Variants in MAP4 observed in about 807,000 individuals in gnomAD.
MAP4 encodes the protein microtubule-associated protein 4.
Under a neutral mutation model 170.2 loss-of-function variants are expected in MAP4, and 76 were observed. The ratio of observed to expected loss-of-function variants is 0.45; its 90% CI spans 0.37 to 0.54. The LOEUF is 0.54. Ranked by LOEUF, MAP4 falls within the 20% of genes least tolerant of loss-of-function variation. The pLI is 0.00. For synonymous variants in MAP4, 909 were observed against 994.5 expected, an observed-to-expected ratio of 0.91 and a Z score of 1.62; for missense variants, 2,506 against 2,748.0, an observed-to-expected ratio of 0.91 and a Z score of 1.97.
At chr3:48,075,665 C>CA (rs1454040547) in intron 1 of MAP4, among the ~76,000 whole-genome samples, 6 of 151,266 alleles carry the variant, frequency 4.0e-5, no homozygotes, top group Middle Eastern at 3.2e-3. Flanking sequence ...ATCCACACAC[C>CA]AAAAAAAACA....
At chr3:48,016,933 C>G (rs2100108110), upstream of MAP4, among the ~76,000 whole-genome samples, 1 of 152,140 alleles carries the variant, frequency 6.6e-6, no homozygotes, top group Admixed American at 6.5e-5. Flanking sequence ...TGCACACCAC[C>G]ATGCCTGGCT....
At chr3:47,862,696 C>T (rs968385799) in intron 17 of MAP4, among the ~76,000 whole-genome samples, 1 of 152,136 alleles carries the variant, frequency 6.6e-6, no homozygotes, top group Non-Finnish European at 1.5e-5. Context: ...CCAGGATGGT[C>T]TCGATCTCCT....
At chr3:47,972,940 A>T in intron 3 of MAP4, 1 of 823,258 alleles carries the variant, frequency 1.2e-6, no homozygotes, top group Non-Finnish European at 1.5e-6. Flanking sequence ...GCTTGACAAA[A>T]ACTTAAAAGT....
chr3:48,003,987 T>G (rs1356396134), intron 1 of MAP4, among the ~76,000 whole-genome samples: 1 of 152,238 alleles, frequency 6.6e-6, no homozygotes, highest in East Asian at 1.9e-4. Context: ...GGACTTGGAC[T>G]GGCTTTCCTC....
chr3:48,010,421 G>A (rs1462120775), intron 1 of MAP4, among the ~76,000 whole-genome samples: 2 of 152,104 alleles, frequency 1.3e-5, no homozygotes, highest in Non-Finnish European at 2.9e-5. Flanking sequence ...TGTGACATAA[G>A]ATTTATTGAT....
chr3:47,858,037 T>G (rs2150234718), intron 17 of MAP4, among the ~76,000 whole-genome samples: 1 of 148,668 alleles, frequency 6.7e-6, no homozygotes, highest in South Asian at 2.2e-4. Flanking sequence ...TTTTTTTTTT[T>G]TTTAAGACAG....
chr3:48,067,949 A>AC, intron 1 of MAP4, among the ~76,000 whole-genome samples: 1 of 152,150 alleles, frequency 6.6e-6, no homozygotes, highest in African/African-American at 2.4e-5. Flanking sequence ...CCAGAGAAGC[A>AC]TTTTTTTAAA....
chr3:48,064,619 T>C (rs2100137492), intron 1 of MAP4, among the ~76,000 whole-genome samples: 1 of 152,128 alleles, frequency 6.6e-6, no homozygotes, highest in African/African-American at 2.4e-5. Flanking sequence ...GTGACCCCGT[T>C]GGGTGGTTAC....
At chr3:47,956,562 G>GAAT (rs2100067947) in intron 3 of MAP4, among the ~76,000 whole-genome samples, 1 of 152,148 alleles carries the variant, frequency 6.6e-6, no homozygotes, top group Non-Finnish European at 1.5e-5. Flanking sequence ...CAATTATTAA[G>GAAT]GATTTTGTTG....
At chr3:47,989,883 C>T (rs190681176) in intron 2 of MAP4, among the ~76,000 whole-genome samples, 2 of 152,224 alleles carry the variant, frequency 1.3e-5, no homozygotes, top group East Asian at 1.9e-4. Flanking sequence ...GAAATACACA[C>T]AGCATCGAAA....
chr3:47,902,458 G>C (rs946786855), intron 10 of MAP4, among the ~76,000 whole-genome samples: 1 of 151,886 alleles, frequency 6.6e-6, no homozygotes, highest in Non-Finnish European at 1.5e-5. Context: ...GGTGGATCAC[G>C]AGGTCAGGAG....
chr3:47,881,657 G>T (rs2096788359), intron 10 of MAP4, among the ~76,000 whole-genome samples: 1 of 150,658 alleles, frequency 6.6e-6, no homozygotes, highest in African/African-American at 2.4e-5. Context: ...TTTAAGACAG[G>T]TGTGATCATG....
chr3:48,072,018 C>T (rs550826405), intron 1 of MAP4, among the ~76,000 whole-genome samples: 1 of 151,982 alleles, frequency 6.6e-6, no homozygotes, highest in Non-Finnish European at 1.5e-5. Flanking sequence ...GTCAGGAGTT[C>T]GAGACCAGCC....
chr3:47,870,079 G>A (rs1278667205), intron 15 of MAP4, among the ~76,000 whole-genome samples: 3 of 152,174 alleles, frequency 2.0e-5, no homozygotes, highest in African/African-American at 7.2e-5. Context: ...TGGTGGTGGT[G>A]TAGAGCTAGT....
intron 17 of MAP4, among the ~76,000 whole-genome samples, chr3:47,865,868 CAG>C (rs1191126380): frequency 6.6e-6 from 1 of 152,198 alleles, no homozygotes; most frequent in Non-Finnish European, 1.5e-5. Context: ...GGAAAGCACA[CAG>C]GGTGTTCTTC....
intron 10 of MAP4, among the ~76,000 whole-genome samples, chr3:47,900,416 A>C (rs1246365212): frequency 6.6e-6 from 1 of 152,174 alleles, no homozygotes; most frequent in African/African-American, 2.4e-5. Context: ...ATATATGTGA[A>C]CCAAAGACAT....
At chr3:47,983,681 C>T (rs2154301464) in intron 2 of MAP4, among the ~76,000 whole-genome samples, 1 of 152,212 alleles carries the variant, frequency 6.6e-6, no homozygotes, top group East Asian at 1.9e-4. Context: ...AGCCACCACG[C>T]CCAGACAATT....
At chr3:47,889,913 C>CA (rs1401190409) in intron 10 of MAP4, among the ~76,000 whole-genome samples, 3 of 148,046 alleles carry the variant, frequency 2.0e-5, no homozygotes, top group East Asian at 4.0e-4. Flanking sequence ...CCATAAAAAA[C>CA]AAAAAATGTT....
rs370977291 is a variant in MAP4, at chr3:47,915,986, C to G, written c.1841G>C (p.Gly614Ala). ...DSHLESLQDV[G>A]QSAAPTFMIS... ...CATGAAAGTAGGTGCAGCTGACTGC[C>G]CCACATCCTGCAGAGATTCTAAATG... The change falls in exon 7 of 21, where the codon GGG (glycine) becomes GCG (alanine). Residue 614 changes from glycine to alanine, a missense_variant. Around this residue, in one of 3 missense-constraint regions of MAP4, gnomAD observed 2,008 missense variants for 2,206.0 expected, o/e 0.91. Coordinates refer to ENST00000683076, the MANE Select transcript of MAP4 (RefSeq NM_001385682.1). 8 of 1,613,664 alleles carry G rather than the reference C, an allele frequency of 5.0e-6. No individual in the cohort carries two copies. In the African/African-American group the frequency reaches 1.1e-4, roughly 22 times the overall value.
Sources: gnomAD v4.1 joint callset for allele counts (sites outside exome capture counted in the v4.1 genomes callset) on GRCh38, gnomAD v4.1.1 for gene constraint, gnomAD v4.1.1 regional missense constraint, MANE v1.5 for transcripts, NCBI Gene and HGNC (gene_info 2026-07-23, HGNC 2026-07-21) for gene names.